AHI1: variants seen among roughly 807,000 people sequenced by gnomAD.
AHI1 encodes Abelson helper integration site 1.
A neutral mutation model predicts 149.3 loss-of-function variants in AHI1; 123 were observed. The ratio of observed to expected loss-of-function variants is 0.82; its 90% CI spans 0.71 to 0.96. The LOEUF (loss-of-function observed/expected upper bound fraction) is 0.96. AHI1 is among the 40% of genes least tolerant of loss of function. The pLI is 0.00. For missense variants in AHI1, 1,439 were observed against 1,422.7 expected (o/e 1.01, Z -0.18); for synonymous variants, 475 against 459.8 (o/e 1.03, Z -0.42).
intron 21 of AHI1, among the ~76,000 whole-genome samples, chr6:135,409,443 T>C (rs1021722646): frequency 6.6e-6 from 1 of 152,184 alleles, no homozygotes; most frequent in Non-Finnish European, 1.5e-5. Context: ...TTTAACTCCT[T>C]GGTAAATGAG....
intron 5 of AHI1, among the ~76,000 whole-genome samples, chr6:135,486,811 C>T (rs921410009): frequency 1.6e-4 from 24 of 151,992 alleles, no homozygotes; most frequent in African/African-American, 4.1e-4. Context: ...TCTATCACTC[C>T]GGTTGGAATG....
chr6:135,438,451 G>A lies in AHI1; in HGVS notation c.1960C>T (p.Leu654Phe). Reference sequence around the variant, plus strand: ...CAGGAAAGATCATAAATGATATTGAGGTGGCCACACAATTCTCTCATGAAA... The same window carrying A: ...CAGGAAAGATCATAAATGATATTGAAGTGGCCACACAATTCTCTCATGAAA... ...GRFMRELCGH[L>F]NIIYDLSWSK... Residue 654 changes from leucine to phenylalanine, a missense_variant, in exon 15 of 29, where the codon CTC becomes TTC. Transcript: ENST00000265602. The A allele has an allele frequency of 6.4e-7, 1 of 1,554,682 alleles. No homozygotes were observed. Among genetic ancestry groups the A allele is most frequent in the Non-Finnish European group, 8.7e-7 (1 of 1,147,692 alleles).
chr6:135,368,683 G>A lies in AHI1; in HGVS notation c.3110-10496C>T, dbSNP rs139387849. Among the ~76,000 whole-genome samples the A allele has an allele frequency of 1.9e-3, 294 of 152,268 alleles. 1 individual carries two copies. Among genetic ancestry groups the A allele is most frequent in the African/African-American group, 6.8e-3 (281 of 41,552 alleles). ...TAGGTCACCAGGGAAGTGAAGGAAA[G>A]GCAGTAGTTACAGGCCTCACCCAGT... On this transcript the variant is annotated intron_variant, in intron 23 of 28. Transcript: ENST00000265602.
chr6:135,473,431 GT>G (rs1208483720), intron 5 of AHI1, among the ~76,000 whole-genome samples: 2 of 152,078 alleles, frequency 1.3e-5, no homozygotes, highest in East Asian at 3.8e-4. Context: ...TAGGTCTGTT[GT>G]TTACAGTTCC....
At chr6:135,494,464 C>T (rs536661293) in intron 3 of AHI1, among the ~76,000 whole-genome samples, 35 of 152,314 alleles carry the variant, frequency 2.3e-4, no homozygotes, top group African/African-American at 8.2e-4. Context: ...GTTCTATCTG[C>T]CAGCAGATTC....
intron 26 of AHI1, among the ~76,000 whole-genome samples, chr6:135,313,375 T>C (rs532854898): frequency 5.9e-5 from 9 of 152,352 alleles, no homozygotes; most frequent in African/African-American, 2.2e-4. Context: ...AAGCCTAATT[T>C]GAGTTCCATA....
rs139439815 is a variant in AHI1 at position 135,449,341 on chromosome 6, C to T, written c.1441-866G>A. Among the ~76,000 whole-genome samples the T allele has an allele frequency of 1.4e-3, 220 of 152,198 alleles. 2 individuals carry two copies. Among genetic ancestry groups the T allele is most frequent in the African/African-American group, 5.0e-3 (209 of 41,524 alleles). ...TTGGGATTACAGTTGTGAGCCACCA[C>T]GCCTGGCCCTAAATGGAGATTTTTA... On this transcript the variant is annotated intron_variant, in intron 11 of 28. Coordinates refer to ENST00000265602, the MANE Select transcript of AHI1 (RefSeq NM_001134831.2).
chr6:135,476,890 T>C (rs1025329637), intron 5 of AHI1, among the ~76,000 whole-genome samples: 2 of 152,168 alleles, frequency 1.3e-5, no homozygotes, highest in Non-Finnish European at 2.9e-5. Flanking sequence ...AGTCAACATA[T>C]AGTTGGGTCT....
chr6:135,427,604 G>A (rs1784087065), intron 19 of AHI1, among the ~76,000 whole-genome samples: 1 of 151,626 alleles, frequency 6.6e-6, no homozygotes, highest in Admixed American at 6.6e-5. Flanking sequence ...TCTAAGATTG[G>A]AGATTGGACA....
chr6:135,393,564 T>C (rs569684298), intron 23 of AHI1, among the ~76,000 whole-genome samples: 1 of 152,204 alleles, frequency 6.6e-6, no homozygotes, highest in Admixed American at 6.5e-5. Context: ...GCAGCTCCAC[T>C]GGAAATAACA....
At chr6:135,403,588 A>C (rs552663443) in intron 22 of AHI1, among the ~76,000 whole-genome samples, 1 of 152,298 alleles carries the variant, frequency 6.6e-6, no homozygotes, top group Non-Finnish European at 1.5e-5. Flanking sequence ...CCAAAAGAAG[A>C]GTATGCAGTA....
intron 21 of AHI1, among the ~76,000 whole-genome samples, chr6:135,406,473 T>C (rs1453783994): frequency 6.6e-6 from 1 of 152,114 alleles, no homozygotes; most frequent in Non-Finnish European, 1.5e-5. Flanking sequence ...AATCCTCTTC[T>C]GGAAAATGGG....
At chr6:135,464,738 A>C (rs914250149) in intron 7 of AHI1, among the ~76,000 whole-genome samples, 6 of 152,194 alleles carry the variant, frequency 3.9e-5, no homozygotes, top group African/African-American at 1.4e-4. Flanking sequence ...GAGGCCTACC[A>C]ACAACCACAT....
intron 5 of AHI1, among the ~76,000 whole-genome samples, chr6:135,484,961 ATTTAAG>A (rs900616339): frequency 1.3e-5 from 2 of 152,126 alleles, no homozygotes; most frequent in Non-Finnish European, 2.9e-5. Context: ...AGATTTTTAC[ATTTAAG>A]TTTGTTAGTT....
chr6:135,294,142 T>C (rs984477072), intron 27 of AHI1, among the ~76,000 whole-genome samples: 3 of 151,866 alleles, frequency 2.0e-5, no homozygotes, highest in African/African-American at 7.3e-5. Flanking sequence ...CTGGCCAACA[T>C]AGTGAAACCC....
At chr6:135,389,140 C>G (rs1289540060) in intron 23 of AHI1, among the ~76,000 whole-genome samples, 1 of 151,514 alleles carries the variant, frequency 6.6e-6, no homozygotes, top group Non-Finnish European at 1.5e-5. Context: ...GAAACCCTGT[C>G]TCTACTAAAA....
At chr6:135,457,464 A>G (rs1435545002) in intron 9 of AHI1, 30 bp downstream of exon 9, 3 of 1,533,878 alleles carry the variant, frequency 2.0e-6, no homozygotes, top group Admixed American at 3.7e-5. Context: ...TTCAGTTTCA[A>G]GAATTAGTTG....
At chr6:135,469,611 A>G (rs1471605443) in intron 5 of AHI1, among the ~76,000 whole-genome samples, 1 of 152,146 alleles carries the variant, frequency 6.6e-6, no homozygotes, top group African/African-American at 2.4e-5. Flanking sequence ...GTACAGGAAC[A>G]AAAACAGACA....
intron 23 of AHI1, among the ~76,000 whole-genome samples, chr6:135,364,111 C>T (rs1181713590): frequency 1.8e-4 from 27 of 151,798 alleles, no homozygotes; most frequent in African/African-American, 4.1e-4. Flanking sequence ...GGCTGCCGGG[C>T]GGAGATGCTC....
Sources: allele counts gnomAD v4.1 joint callset (sites outside exome capture counted in the v4.1 genomes callset), GRCh38; gene constraint gnomAD v4.1.1; transcripts MANE v1.5; gene names NCBI Gene and HGNC (gene_info 2026-07-23, HGNC 2026-07-21).